The following GGA2 variants were observed in gnomAD, a reference collection of about 807,000 sequenced individuals.
The protein encoded by GGA2 is golgi associated, gamma adaptin ear containing, ARF binding protein 2, also known as ADP-ribosylation factor-binding protein GGA2.
Under a neutral mutation model 79.5 loss-of-function variants are expected in GGA2, and 48 were observed. The observed-to-expected ratio is 0.60, with a 90% confidence interval of 0.48 to 0.77. The LOEUF (loss-of-function observed/expected upper bound fraction) is 0.77, where lower values mean the gene tolerates loss of function less well. Ranked by LOEUF, GGA2 falls within the 30% of genes least tolerant of loss-of-function variation. The pLI, the probability that GGA2 is intolerant of heterozygous loss-of-function variation, is 0.00. For synonymous variants in GGA2, 317 were observed against 302.0 expected (o/e 1.05, Z -0.51); for missense variants, 770 against 774.0 (o/e 0.99, Z 0.06).
At position 23,491,306 on chromosome 16, in the gene GGA2, C is replaced by CAAAAAAAAAAAAAAAAAAAAAAAAAA. The variant is rs35347154; in HGVS notation, c.475+370_475+371insTTTTTTTTTTTTTTTTTTTTTTTTTT. Among the ~76,000 whole-genome samples, 3 of 66,504 alleles carry CAAAAAAAAAAAAAAAAAAAAAAAAAA rather than the reference C, an allele frequency of 4.5e-5. 1 individual carries two copies. Among genetic ancestry groups the CAAAAAAAAAAAAAAAAAAAAAAAAAA allele is most frequent in the African/African-American group, 1.9e-4 (3 of 15,508 alleles). 43.6% of individuals were successfully genotyped at this position (66,504 alleles called of 152,430 possible). ...TAGGTAACAGGGCAACACCTTGTCT[C>CAAAAAAAAAAAAAAAAAAAAAAAAAA]AAAAAAAAAAAAAAAAAAAAAAACC... On this transcript the variant is annotated intron_variant, in intron 5 of 16. Coordinates refer to ENST00000309859, the MANE Select transcript of GGA2 (RefSeq NM_015044.4).
chr16:23,507,385 C>T (rs1188026501), intron 1 of GGA2, among the ~76,000 whole-genome samples: 6 of 152,106 alleles, frequency 3.9e-5, no homozygotes, highest in Non-Finnish European at 8.8e-5. Context: ...CCCAGCACTT[C>T]GGGAGGCCAA....
upstream of GGA2, chr16:23,523,914 G>T (rs1965181436): frequency 6.3e-6 from 1 of 158,404 alleles, no homozygotes; most frequent in African/African-American, 2.4e-5. Flanking sequence ...AACAAAAGAG[G>T]CCTCTAGGAA....
chr16:23,478,042 A>G (rs999235431), intron 13 of GGA2, among the ~76,000 whole-genome samples: 23 of 151,004 alleles, frequency 1.5e-4, no homozygotes, highest in African/African-American at 5.6e-4. Flanking sequence ...AAAATTAAAA[A>G]AAAAAAATTA....
In GGA2 at chr16:23,497,913, C is replaced by T. The variant is rs60519528; in HGVS notation, c.92-2135G>A. Among the ~76,000 whole-genome samples, 256 of 152,260 alleles carry T rather than the reference C, an allele frequency of 1.7e-3. 1 individual carries two copies. Among genetic ancestry groups the T allele is most frequent in the African/African-American group, 5.7e-3 (238 of 41,560 alleles). On this transcript the variant is annotated intron_variant, in intron 1 of 16. Coordinates refer to ENST00000309859, the MANE Select transcript of GGA2 (RefSeq NM_015044.4). ...CTCTGGGAAGCCAAGGCAGGAGGAC[C>T]GCTTGAGCCTAGGAGGTTGAGACCA... is the stretch of plus-strand genomic sequence containing the variant.
rs1395901256 is a variant in GGA2 at position 23,466,024 on chromosome 16, A to G, written c.*1566T>C. 1 of 152,366 alleles carries G rather than the reference A, an allele frequency of 6.6e-6. No homozygotes were observed. Among genetic ancestry groups the G allele is most frequent in the African/African-American group, 2.4e-5 (1 of 41,446 alleles). 9.4% of individuals were successfully genotyped at this position (152,366 alleles called of 1,614,324 possible). A position where few individuals can be genotyped will look rare whatever the true frequency, so the allele number is the denominator to read the frequency against. On this transcript the variant is annotated 3_prime_UTR_variant, in exon 17 of 17. Transcript: ENST00000309859. ...CGTCTTATGTGAATTATGGCAAATG[A>G]AATCACCCCACTGTTTACCTGTTTT... is the stretch of plus-strand genomic sequence containing the variant.
chr16:23,499,917 C>T (rs1420976468), intron 1 of GGA2, among the ~76,000 whole-genome samples: 2 of 152,200 alleles, frequency 1.3e-5, no homozygotes, highest in African/African-American at 2.4e-5. Context: ...CCTAGGCTCC[C>T]GCATCACGAT....
chr16:23,497,970 C>T (rs767372033), intron 1 of GGA2, among the ~76,000 whole-genome samples: 2 of 152,146 alleles, frequency 1.3e-5, no homozygotes, highest in Non-Finnish European at 2.9e-5. Context: ...CCAATCTCCA[C>T]AGAAATTTTT....
intron 8 of GGA2, among the ~76,000 whole-genome samples, chr16:23,484,432 A>G (rs1456942567): frequency 6.6e-6 from 1 of 152,106 alleles, no homozygotes; most frequent in African/African-American, 2.4e-5. Flanking sequence ...AACAAAACAA[A>G]ACAAAACTCC....
chr16:23,495,077 G>A (rs1596990544), intron 2 of GGA2, among the ~76,000 whole-genome samples: 1 of 121,328 alleles, frequency 8.2e-6, no homozygotes, highest in African/African-American at 3.0e-5. Context: ...CTCTGTCTCA[G>A]GAAAAAAAAA....
At chr16:23,489,393 C>G (rs1484847593) in intron 5 of GGA2, among the ~76,000 whole-genome samples, 1 of 152,180 alleles carries the variant, frequency 6.6e-6, no homozygotes. Flanking sequence ...CACCACCACA[C>G]CCAGGTAATT....
chr16:23,469,911 T>C, intron 15 of GGA2, 85 bp downstream of exon 15: 1 of 1,009,068 alleles, frequency 9.9e-7, no homozygotes, highest in Non-Finnish European at 1.4e-6. Flanking sequence ...ATTCTTTCCT[T>C]GACACTCGAC....
At position 23,478,892 on chromosome 16, in the gene GGA2, A is replaced by G; in HGVS notation, c.1149T>C (p.Val383=). 1 of 1,606,242 alleles carries G rather than the reference A, an allele frequency of 6.2e-7. No homozygotes were observed. Among genetic ancestry groups the G allele is most frequent in the Non-Finnish European group, 8.5e-7 (1 of 1,173,288 alleles). Residue 383 remains valine (V), a synonymous_variant, in exon 12 of 17, where the codon GTT becomes GTC. Transcript: ENST00000309859. ...GGAAGGGCATCCTTACCATGCCTGT[A>G]ACAGGAGCATCACTGATTCCTGTAA... is the stretch of plus-strand genomic sequence containing the variant. ...LAALGISDAP[V]TGMVSGQNCC...
In GGA2 at chr16:23,510,388, C is replaced by T. The variant is rs751524875; in HGVS notation, c.24G>A (p.Ala8=). Residue 8 remains alanine (A), a synonymous_variant, in exon 1 of 17, where the codon GCG becomes GCA. Transcript: ENST00000309859. MAATAVA[A]AVAGTESAQG... is the part of the protein sequence containing the mutation. ...GGGCCGACTCGGTTCCCGCCACAGC[C>T]GCCGCCACCGCGGTCGCCGCCATCG... The T allele has an allele frequency of 1.4e-6, 2 of 1,399,334 alleles. No homozygotes were observed. Among genetic ancestry groups the T allele is most frequent in the South Asian group, 1.5e-5 (1 of 67,268 alleles). The allele number at this position is 1,399,334 out of a possible 1,614,324, so 86.7% of individuals were successfully genotyped here.
At position 23,465,814 on chromosome 16, in the gene GGA2, G is replaced by T; in HGVS notation, c.*1776C>A. On this transcript the variant is annotated 3_prime_UTR_variant, in exon 17 of 17. Coordinates refer to ENST00000309859, the MANE Select transcript of GGA2 (RefSeq NM_015044.4). ...AAATTAGCTGGGCGTGCTGGCTCAC[G>T]CCTGTAGTCCCAGCTACTCGAGAGG... 5.6e-6 allele frequency: 1 copy of T among 178,976 alleles called. No individual in the cohort carries two copies. The highest frequency in any genetic ancestry group is 1.3e-4 in the South Asian group (1 of 7,786). The allele number at this position is 178,976 out of a possible 1,614,324, so 11.1% of individuals were successfully genotyped here.
At chr16:23,509,100 A>ATGGC (rs1389258638) in intron 1 of GGA2, among the ~76,000 whole-genome samples, 9 of 152,114 alleles carry the variant, frequency 5.9e-5, no homozygotes, top group Non-Finnish European at 2.9e-5. Context: ...TTAGCACCAT[A>ATGGC]TGGCTGCAAG....
chr16:23,482,909 G>A lies in GGA2; in HGVS notation c.880+14C>T, dbSNP rs1355319141. On this transcript the variant is annotated intron_variant, in intron 9 of 16. Coordinates refer to ENST00000309859, the MANE Select transcript of GGA2 (RefSeq NM_015044.4). Reference sequence around the variant, plus strand: ...ACCTGGGCTGCTAGCTACACCCAAGGAAAGAAAACTTACCGAGTGCATCAT... The same window carrying A: ...ACCTGGGCTGCTAGCTACACCCAAGAAAAGAAAACTTACCGAGTGCATCAT... 1 of 1,535,888 alleles carries A rather than the reference G, an allele frequency of 6.5e-7. No homozygotes were observed. The highest frequency in any genetic ancestry group is 9.0e-7 in the Non-Finnish European group (1 of 1,108,604).
intron 1 of GGA2, among the ~76,000 whole-genome samples, chr16:23,497,213 C>A (rs916175726): frequency 2.6e-5 from 4 of 152,078 alleles, no homozygotes; most frequent in African/African-American, 9.7e-5. Flanking sequence ...CAGAGCAGCT[C>A]TTTTAGGCTC....
chr16:23,510,344 G>C lies in GGA2; in HGVS notation c.68C>G (p.Ala23Gly). The C allele has an allele frequency of 7.0e-7, 1 of 1,435,956 alleles. No homozygotes were observed. Among genetic ancestry groups the C allele is most frequent in the Non-Finnish European group, 9.1e-7 (1 of 1,095,454 alleles). 89.0% of individuals were successfully genotyped at this position (1,435,956 alleles called of 1,614,324 possible). ...TESAQGPPGP[A>G]ASLELWLNKA... ...ACTGAGCCACAGCTCCAGCGACGCT[G>C]CCGGGCCCGGGGGACCCTGGGCCGA... is the stretch of plus-strand genomic sequence containing the variant. The change falls in exon 1 of 17, where the codon GCA becomes GGA. Residue 23 changes from alanine (A) to glycine (G), a missense_variant. Coordinates refer to ENST00000309859, the MANE Select transcript of GGA2 (RefSeq NM_015044.4).
In GGA2 at chr16:23,495,748, T is replaced by C; in HGVS notation, c.122A>G (p.Gln41Arg). 1 of 1,612,458 alleles carries C rather than the reference T, an allele frequency of 6.2e-7. No individual in the cohort carries two copies. The highest frequency in any genetic ancestry group is 1.1e-5 in the South Asian group (1 of 91,004). Residue 41 changes from glutamine to arginine, a missense_variant, in exon 2 of 17, where the codon CAG becomes CGG. By Grantham distance (43) the Gln-to-Arg change is conservative. Transcript: ENST00000309859. ...GAAATTCTGGATAGCTGACCAATCC[T>C]GTTCCGACATGCTTGGGTCTGTGGC... ...NKATDPSMSEQDWSAIQNFCE... is the reference protein window; with the variant it reads ...NKATDPSMSERDWSAIQNFCE...
Sources: gnomAD v4.1 joint callset for allele counts (sites outside exome capture counted in the v4.1 genomes callset) on GRCh38, gnomAD v4.1.1 for gene constraint, MANE v1.5 for transcripts, NCBI Gene and HGNC (gene_info 2026-07-23, HGNC 2026-07-21) for gene names.